CTNNA2: variants seen among roughly 807,000 people sequenced by gnomAD.
The protein encoded by CTNNA2 is catenin alpha 2.
In CTNNA2, 42 loss-of-function variants were observed where a neutral mutation model predicts 101.0. The observed-to-expected ratio is 0.42, with a 90% CI of 0.32 to 0.54. The LOEUF (loss-of-function observed/expected upper bound fraction) is 0.54. Among genes scored for constraint, CTNNA2 ranks in the 20% least tolerant of loss-of-function variants. The pLI, the probability that CTNNA2 is intolerant of heterozygous loss-of-function variation, is 0.14. For synonymous variants in CTNNA2, 450 were observed against 456.4 expected (o/e 0.99, Z 0.18); for missense variants, 871 against 1,223.1 (o/e 0.71, Z 4.29).
chr2:80,391,387 A>G (rs977029559), intron 7 of CTNNA2, among the ~76,000 whole-genome samples: 1 of 152,142 alleles, frequency 6.6e-6, no homozygotes, highest in Admixed American at 6.5e-5. Context: ...TTGTGTATCT[A>G]AAGTGTCTCA....
chr2:80,019,490 T>C (rs1188674579), intron 7 of CTNNA2, among the ~76,000 whole-genome samples: 1 of 152,212 alleles, frequency 6.6e-6, no homozygotes. Flanking sequence ...AGCCCTAAAA[T>C]AGAGGATCAC....
intron 7 of CTNNA2, among the ~76,000 whole-genome samples, chr2:79,975,069 T>G (rs116460518): frequency 0.017 from 2,573 of 152,254 alleles, 85 homozygotes; most frequent in African/African-American, 0.059. Flanking sequence ...TGTTTTCTCA[T>G]TTTCTGCCCT....
chr2:80,083,708 G>C (rs1699280099), intron 7 of CTNNA2, among the ~76,000 whole-genome samples: 3 of 152,070 alleles, frequency 2.0e-5, no homozygotes, highest in Non-Finnish European at 4.4e-5. Context: ...ATTCCATGTG[G>C]TATTATTTGA....
At chr2:80,390,308 G>T (rs139293397) in intron 7 of CTNNA2, among the ~76,000 whole-genome samples, 5 of 152,326 alleles carry the variant, frequency 3.3e-5, no homozygotes, top group African/African-American at 1.2e-4. Context: ...TTTTGGTATT[G>T]TTCTGGTCTT....
At chr2:80,288,521 C>T (rs1044962379) in intron 7 of CTNNA2, 4 of 152,220 alleles carry the variant, frequency 2.6e-5, no homozygotes, top group Admixed American at 6.5e-5. Context: ...GTGCTTCAAA[C>T]AGCTGGCAGT....
intron 3 of CTNNA2, among the ~76,000 whole-genome samples, chr2:79,757,640 A>G (rs548167724): frequency 6.6e-6 from 1 of 152,342 alleles, no homozygotes. Flanking sequence ...GCACATATAC[A>G]TTAGGGCCTA....
intron 3 of CTNNA2, among the ~76,000 whole-genome samples, chr2:79,788,044 A>G (rs1056192261): frequency 2.6e-5 from 4 of 152,160 alleles, no homozygotes; most frequent in African/African-American, 9.7e-5. Flanking sequence ...TGAGTACACT[A>G]GAGGGTATGT....
rs139169712 is a variant in CTNNA2 at position 80,294,723 on chromosome 2, T to C, written c.1057-98488T>C. Among the ~76,000 whole-genome samples, 88 of 152,114 alleles carry C rather than the reference T, an allele frequency of 5.8e-4. 3 individuals are homozygous for C. Among genetic ancestry groups the C allele is most frequent in the African/African-American group, 2.0e-3 (84 of 41,476 alleles). On this transcript the variant is annotated intron_variant, in intron 7 of 18. Transcript: ENST00000402739. ...AACTCACAATCTGTTGAGGGTGGGG[T>C]CCAGGAGTCAGTATTTATTGAGGCT...
chr2:80,520,850 C>G (rs1427489196), intron 9 of CTNNA2, among the ~76,000 whole-genome samples: 1 of 152,220 alleles, frequency 6.6e-6, no homozygotes, highest in South Asian at 2.1e-4. Flanking sequence ...TTGGCCTACA[C>G]TGCCAGAGTT....
At chr2:80,546,729 T>G (rs6708880) in intron 11 of CTNNA2, among the ~76,000 whole-genome samples, 77,060 of 151,564 alleles carry the variant, frequency 0.51, 20,454 homozygotes, top group African/African-American at 0.67. Context: ...ACAGGACTCG[T>G]GGAGTCCATT....
At chr2:79,593,962 C>G (rs1036483892) in intron 1 of CTNNA2, among the ~76,000 whole-genome samples, 1 of 131,810 alleles carries the variant, frequency 7.6e-6, no homozygotes, top group Non-Finnish European at 1.6e-5. Flanking sequence ...GATCTCAGCT[C>G]ATTGCCACCT....
At chr2:79,410,766 TTG>T (rs1678400583) in intron 4 of CTNNA2, among the ~76,000 whole-genome samples, 1 of 149,272 alleles carries the variant, frequency 6.7e-6, no homozygotes, top group Admixed American at 6.7e-5. Context: ...ATTCTCTTTT[TTG>T]GTTGTGTCTC....
intron 6 of CTNNA2, among the ~76,000 whole-genome samples, chr2:79,897,340 A>AG (rs1425137430): frequency 6.6e-6 from 1 of 151,494 alleles, no homozygotes; most frequent in Non-Finnish European, 1.5e-5. Context: ...CCGAGAAAAA[A>AG]AAAAGATAAA....
chr2:80,022,792 G>A (rs940966447), intron 7 of CTNNA2, among the ~76,000 whole-genome samples: 1 of 152,272 alleles, frequency 6.6e-6, no homozygotes, highest in South Asian at 2.1e-4. Context: ...GTGGAGGCAA[G>A]AGAGATTAGT....
chr2:79,234,389 T>A (rs929707259), intron 2 of CTNNA2, among the ~76,000 whole-genome samples: 2 of 152,208 alleles, frequency 1.3e-5, no homozygotes, highest in Non-Finnish European at 1.5e-5. Context: ...TTGTAGGGTT[T>A]CTGCTGAGAG....
chr2:79,571,964 A>AT (rs1417758799), intron 1 of CTNNA2, among the ~76,000 whole-genome samples: 1 of 152,064 alleles, frequency 6.6e-6, no homozygotes, highest in East Asian at 1.9e-4. Flanking sequence ...CCATACTGTG[A>AT]TGTCTTTGTT....
intron 6 of CTNNA2, among the ~76,000 whole-genome samples, chr2:79,903,501 C>A (rs535704013): frequency 3.8e-4 from 58 of 152,238 alleles, no homozygotes; most frequent in African/African-American, 1.4e-3. Flanking sequence ...GCAGAGAAGT[C>A]GCTTCAGAAC....
chr2:79,746,577 T>C (rs1313384430), intron 3 of CTNNA2, among the ~76,000 whole-genome samples: 1 of 152,216 alleles, frequency 6.6e-6, no homozygotes, highest in Non-Finnish European at 1.5e-5. Flanking sequence ...TACTTCCCTT[T>C]CCTTCCAAAT....
intron 3 of CTNNA2, among the ~76,000 whole-genome samples, chr2:79,785,480 G>A (rs755607533): frequency 2.0e-5 from 3 of 152,042 alleles, no homozygotes; most frequent in Non-Finnish European, 2.9e-5. Context: ...TCTTACCAGC[G>A]AGGCCTCCCA....
Sources: gnomAD v4.1 joint callset for allele counts (sites outside exome capture counted in the v4.1 genomes callset) on GRCh38, gnomAD v4.1.1 for gene constraint, MANE v1.5 for transcripts, NCBI Gene and HGNC (gene_info 2026-07-23, HGNC 2026-07-21) for gene names.